The following MGST1 variants were observed in gnomAD, a reference collection of about 807,000 sequenced individuals.
MGST1 encodes glutathione S-transferase 12.
MGST1 carries 5 observed loss-of-function variants against 8.9 expected under a neutral mutation model. The observed-to-expected ratio is 0.56, with a 90% confidence interval of 0.29 to 1.19. The LOEUF (loss-of-function observed/expected upper bound fraction) is 1.19, where lower values mean the gene tolerates loss of function less well. Among genes scored for constraint, MGST1 ranks in the 50% most tolerant of loss-of-function variants. The pLI is 0.08. For synonymous variants in MGST1, 54 were observed against 67.8 expected, an observed-to-expected ratio of 0.80 and a Z score of 1.00; for missense variants, 182 against 187.4, an observed-to-expected ratio of 0.97 and a Z score of 0.17.
intron 4 of MGST1, among the ~76,000 whole-genome samples, chr12:16,494,311 T>A (rs1941456918): frequency 6.6e-6 from 1 of 152,180 alleles, no homozygotes; most frequent in Admixed American, 6.6e-5. Context: ...TGTTGATGAT[T>A]TGGCATATTT....
intron 1 of MGST1, chr12:16,400,999 T>A: frequency 6.6e-7 from 1 of 1,519,370 alleles, no homozygotes; most frequent in Non-Finnish European, 9.1e-7. Context: ...TTTGATGTGC[T>A]CTTCACTTCT....
At chr12:16,477,931 G>C (rs761172061) in intron 4 of MGST1, among the ~76,000 whole-genome samples, 2 of 152,190 alleles carry the variant, frequency 1.3e-5, no homozygotes. Flanking sequence ...TCACAGTGCA[G>C]CGTTGTAAAT....
At chr12:16,467,812 G>C (rs1263044788) in intron 4 of MGST1, among the ~76,000 whole-genome samples, 8 of 152,170 alleles carry the variant, frequency 5.3e-5, no homozygotes, top group Non-Finnish European at 1.0e-4. Flanking sequence ...GTCTGCTTCA[G>C]ACATTAGTTT....
At chr12:16,514,425 C>T (rs767685148) in intron 4 of MGST1, 8 of 280,928 alleles carry the variant, frequency 2.8e-5, no homozygotes, top group South Asian at 7.2e-5. Flanking sequence ...CAAGGCCCAT[C>T]GCATCATTAG....
At chr12:16,441,421 T>C (rs1211991443), downstream of MGST1, among the ~76,000 whole-genome samples, 1 of 151,940 alleles carries the variant, frequency 6.6e-6, no homozygotes, top group Non-Finnish European at 1.5e-5. Flanking sequence ...TGTGTTATGA[T>C]ATCTATCCAC....
intron 1 of MGST1, among the ~76,000 whole-genome samples, chr12:16,429,311 C>A (rs1178530630): frequency 6.6e-6 from 1 of 152,058 alleles, no homozygotes; most frequent in Non-Finnish European, 1.5e-5. Context: ...GTTTGAACTA[C>A]TTATTATTTA....
chr12:16,542,790 C>G (rs1941800306), intron 4 of MGST1, among the ~76,000 whole-genome samples: 1 of 152,168 alleles, frequency 6.6e-6, no homozygotes, highest in Non-Finnish European at 1.5e-5. Flanking sequence ...TGAACTTTGG[C>G]ATTAGTTATG....
At chr12:16,395,786 T>TACACACACAC (rs1375192264) in intron 1 of MGST1, among the ~76,000 whole-genome samples, 2 of 120,528 alleles carry the variant, frequency 1.7e-5, no homozygotes, top group East Asian at 6.0e-4. Context: ...CCATCATATA[T>TACACACACAC]ATATATATAT....
At chr12:16,349,693 G>T (rs1939369334) in intron 1 of MGST1, among the ~76,000 whole-genome samples, 2 of 151,682 alleles carry the variant, frequency 1.3e-5, no homozygotes, top group South Asian at 4.2e-4. Flanking sequence ...CGCCAAAGTC[G>T]GAAGTTTTTT....
intron 1 of MGST1, among the ~76,000 whole-genome samples, chr12:16,430,308 A>C (rs1940926697): frequency 6.6e-6 from 1 of 152,144 alleles, no homozygotes; most frequent in Admixed American, 6.6e-5. Flanking sequence ...ATTAATGTTG[A>C]TATTTTGACC....
At position 16,576,791 on chromosome 12, in the gene MGST1, C is replaced by T. The variant is rs1417709134; in HGVS notation, n.483-12737C>T. 1.3e-5 allele frequency among the ~76,000 whole-genome samples: 2 copies of T among 152,194 alleles called. No individual in the cohort carries two copies. Among genetic ancestry groups the T allele is most frequent in the African/African-American group, 4.8e-5 (2 of 41,444 alleles). Reference sequence around the variant, plus strand: ...TTTACTTATGACCCCTAGATTAGTACCATCTATTTTTAAATACCATTTTAA... The same window carrying T: ...TTTACTTATGACCCCTAGATTAGTATCATCTATTTTTAAATACCATTTTAA... On this transcript the variant is annotated intron_variant and non_coding_transcript_variant, in intron 4 of 4. Transcript: ENST00000538857. The surrounding 1 kb of genome is among the most constrained non-coding windows in gnomAD (Gnocchi z 4.1).
rs891998416 is a variant in MGST1, at chr12:16,410,615, T to C, written n.779-26773T>C. ...CATATTAATGTTTATATATTACATATAAATATTAATATATGTATATGTAAT... is the reference window on the plus strand; with the variant it reads ...CATATTAATGTTTATATATTACATACAAATATTAATATATGTATATGTAAT... On this transcript the variant is annotated intron_variant and non_coding_transcript_variant, in intron 1 of 1. Coordinates refer to the MGST1 transcript ENST00000359720. The surrounding 1 kb of genome is among the most constrained non-coding windows in gnomAD (Gnocchi z 4.4). 1.3e-5 allele frequency among the ~76,000 whole-genome samples: 2 copies of C among 148,168 alleles called. No homozygotes were observed. Among genetic ancestry groups the C allele is most frequent in the Non-Finnish European group, 3.0e-5 (2 of 67,280 alleles).
At chr12:16,509,515 A>G (rs1472623663) in intron 4 of MGST1, among the ~76,000 whole-genome samples, 2 of 152,224 alleles carry the variant, frequency 1.3e-5, no homozygotes, top group Non-Finnish European at 2.9e-5. Context: ...CTAGAAGACT[A>G]AAGAGCTCCT....
rs1941190864 is a variant in MGST1 at position 16,458,121 on chromosome 12, G to GT, written n.482+74518dup. 1.3e-5 allele frequency among the ~76,000 whole-genome samples: 2 copies of GT among 152,008 alleles called. No homozygotes were observed. The highest frequency in any genetic ancestry group is 2.9e-5 in the Non-Finnish European group (2 of 67,914). On this transcript the variant is annotated intron_variant and non_coding_transcript_variant, in intron 4 of 4. Coordinates refer to the MGST1 transcript ENST00000538857. The surrounding 1 kb of genome is among the most constrained non-coding windows in gnomAD (Gnocchi z 4.0). ...ATACCCATTAAAGAAGTGCAAAAGC[G>GT]TGAACCCGAGGGTTACTGCATATTA...
chr12:16,532,000 T>C (rs1941726569), intron 4 of MGST1, among the ~76,000 whole-genome samples: 2 of 152,126 alleles, frequency 1.3e-5, no homozygotes, highest in Admixed American at 6.6e-5. Context: ...GCATCTCCTA[T>C]GTGTCTGTCA....
rs1230982180 is a variant in MGST1 at position 16,410,510 on chromosome 12, T to A, written n.779-26878T>A. 2.0e-5 allele frequency among the ~76,000 whole-genome samples: 3 copies of A among 151,212 alleles called. No homozygotes were observed. The highest frequency in any genetic ancestry group is 7.3e-5 in the African/African-American group (3 of 41,288). ...ATTTGTAAAAGCATATATGTTGGTA[T>A]ATATTGCATATATGTGTATATATTT... On this transcript the variant is annotated intron_variant and non_coding_transcript_variant, in intron 1 of 1. Coordinates refer to the MGST1 transcript ENST00000359720. This position sits in a 1 kb window ranked among gnomAD's most constrained non-coding sequence, Gnocchi z 4.4.
At chr12:16,448,677 G>T (rs1591731593) in intron 4 of MGST1, among the ~76,000 whole-genome samples, 1 of 151,856 alleles carries the variant, frequency 6.6e-6, no homozygotes. Flanking sequence ...AACACATGTT[G>T]GCTGACTCTA....
chr12:16,583,318 A>G (rs547472677), intron 4 of MGST1, among the ~76,000 whole-genome samples: 1 of 151,872 alleles, frequency 6.6e-6, no homozygotes, highest in Non-Finnish European at 1.5e-5. Context: ...CTTTTTTTTT[A>G]AAAAAATTAG....
rs1555106752 is a variant in MGST1, at chr12:16,484,400, TTTTGTTTGTTTG to T, written n.482+100808_482+100819del. On this transcript the variant is annotated intron_variant and non_coding_transcript_variant, in intron 4 of 4. Transcript: ENST00000538857. Reference sequence around the variant, plus strand: ...CCAGAGGCACGATAAAGAATCTGTTTTTTGTTTGTTTGTTTGTTTGTTTATTTTTTTACTTTC... The same window carrying T: ...CCAGAGGCACGATAAAGAATCTGTTTTTTGTTTGTTTATTTTTTTACTTTC... 2.0e-5 allele frequency among the ~76,000 whole-genome samples: 3 copies of T among 152,016 alleles called. No individual in the cohort carries two copies. The East Asian group carries it at 5.8e-4, about 29-fold the overall frequency.
Sources: gnomAD v4.1 joint callset for allele counts (sites outside exome capture counted in the v4.1 genomes callset) on GRCh38, gnomAD v4.1.1 for gene constraint, Gnocchi (gnomAD v3.1) non-coding constraint, MANE v1.5 for transcripts, NCBI Gene and HGNC (gene_info 2026-07-23, HGNC 2026-07-21) for gene names.